Variants in CCP110 observed in about 807,000 individuals in gnomAD.
CCP110 encodes centriolar coiled-coil protein of 110 kDa.
A neutral mutation model predicts 105.5 loss-of-function variants in CCP110; 43 were observed. The observed-to-expected ratio is 0.41, with a 90% CI of 0.32 to 0.53. The LOEUF (loss-of-function observed/expected upper bound fraction) is 0.53, where lower values mean the gene tolerates loss of function less well. Among genes scored for constraint, CCP110 ranks in the 20% least tolerant of loss-of-function variants. The probability of loss-of-function intolerance (pLI) is 0.32; values close to 1 mark genes in which losing one functional copy is unlikely to be tolerated. For missense variants in CCP110, 1,016 were observed against 1,189.1 expected, an observed-to-expected ratio of 0.85 and a Z score of 2.14; for synonymous variants, 353 against 392.1, an observed-to-expected ratio of 0.90 and a Z score of 1.18.
chr16:19,548,697 C>T lies in CCP110; in HGVS notation c.2986+97C>T. On this transcript the variant is annotated intron_variant, in intron 14 of 14. Coordinates refer to ENST00000381396, the Ensembl canonical transcript of CCP110. This position sits in a 1 kb window ranked among gnomAD's most constrained non-coding sequence, Gnocchi z 4.1. ...ATAGAAGTGGAATAGATTGTCTTTC[C>T]TTGCCACCATAATTTTGGCATATTC... 1.4e-6 allele frequency: 1 copy of T among 732,876 alleles called. No individual in the cohort carries two copies. Among genetic ancestry groups the T allele is most frequent in the South Asian group, 1.8e-5 (1 of 54,648 alleles). The allele number at this position is 732,876 out of a possible 1,614,324, so 45.4% of individuals were successfully genotyped here.
intron 11 of CCP110, chr16:19,546,157 AGTGCCTAAATATATTCCTTTTCTGAT>A: frequency 1.9e-6 from 1 of 524,894 alleles, no homozygotes; most frequent in Non-Finnish European, 3.3e-6. Context: ...CTTTATATTC[AGTGCCTAAATATATTCCTTTTCTGAT>A]GTCCTAAAGG....
At chr16:19,546,560 T>A in intron 12 of CCP110, 86 bp downstream of exon 12, 1 of 747,178 alleles carries the variant, frequency 1.3e-6, no homozygotes, top group Non-Finnish European at 2.3e-6. Context: ...CTCACGCCTG[T>A]AATCCCAGAA....
intron 6 of CCP110, 147 bp downstream of exon 6, chr16:19,542,211 A>G (rs1970312843): frequency 1.7e-6 from 1 of 577,892 alleles, no homozygotes; most frequent in Non-Finnish European, 3.0e-6. Flanking sequence ...GTGAAAAATG[A>G]CATGATAGGA....
rs749777679 is a variant in CCP110 at position 19,537,356 on chromosome 16, C to T, written c.1687C>T (p.Gln563Ter). ...GATGCAAAACCAGAATACGAGACAG[C>T]AGATGGACACACCTATGGTGTCCTG... Residue 563 changes from glutamine (Q) to a stop codon, truncating the protein, a stop_gained, in exon 4 of 15, where the codon CAG becomes TAG. Transcript: ENST00000381396. LOFTEE classifies it high-confidence loss of function. 1 of 1,612,630 alleles carries T rather than the reference C, an allele frequency of 6.2e-7. No homozygotes were observed.
chr16:19,537,976 C>A (rs1970135785), intron 4 of CCP110, among the ~76,000 whole-genome samples: 1 of 152,196 alleles, frequency 6.6e-6, no homozygotes, highest in Non-Finnish European at 1.5e-5. Flanking sequence ...GTTGCCCAAG[C>A]TGGTCTCAAA....
At chr16:19,528,082 G>A in intron 2 of CCP110, 60 bp downstream of exon 2, 10 of 1,389,544 alleles carry the variant, frequency 7.2e-6, no homozygotes, top group East Asian at 7.2e-5. Context: ...AACAGTTCGT[G>A]GAAAAACAAA....
chr16:19,549,591 T>A (rs1970569729), intron 14 of CCP110, among the ~76,000 whole-genome samples: 1 of 152,192 alleles, frequency 6.6e-6, no homozygotes, highest in Non-Finnish European at 1.5e-5. Context: ...AATGGAATTG[T>A]CTTAAAGGAT....
chr16:19,548,258 A>C lies in CCP110; in HGVS notation c.2900+244A>C. ...TTTACTTTTCATTTCATACCATTTT[A>C]CTCATAAAGTATTTTAAATATCCAT... On this transcript the variant is annotated intron_variant, in intron 13 of 14. Coordinates refer to ENST00000381396, the Ensembl canonical transcript of CCP110. The surrounding 1 kb of genome is among the most constrained non-coding windows in gnomAD (Gnocchi z 4.1). 2 of 577,382 alleles carry C rather than the reference A, an allele frequency of 3.5e-6. No homozygotes were observed. The highest frequency in any genetic ancestry group is 6.1e-6 in the Non-Finnish European group (2 of 328,110). The allele number at this position is 577,382 out of a possible 1,614,324, so 35.8% of individuals were successfully genotyped here.
At chr16:19,547,773 C>A in intron 12 of CCP110, 182 bp from the exon 13 acceptor site, 1 of 548,160 alleles carries the variant, frequency 1.8e-6, no homozygotes, top group Non-Finnish European at 3.3e-6. Context: ...TCTTAGTGAG[C>A]AAAATACAAG....
chr16:19,539,428 G>T (rs910142912), intron 4 of CCP110, among the ~76,000 whole-genome samples: 1 of 150,828 alleles, frequency 6.6e-6, no homozygotes, highest in Non-Finnish European at 1.5e-5. Context: ...GCTGTGGTGC[G>T]ATCTCAGTTC....
intron 8 of CCP110, 145 bp downstream of exon 8, chr16:19,543,139 G>T: frequency 1.7e-6 from 1 of 578,766 alleles, no homozygotes; most frequent in Non-Finnish European, 3.1e-6. Flanking sequence ...ATTGTTTGTT[G>T]CGGGAAGTCA....
intron 5 of CCP110, among the ~76,000 whole-genome samples, chr16:19,541,675 AG>A (rs1970288793): frequency 7.0e-6 from 1 of 143,600 alleles, no homozygotes; most frequent in Non-Finnish European, 1.5e-5. Flanking sequence ...AGAGAGAGAG[AG>A]AGAGAGAAAG....
At chr16:19,550,817 C>T (rs1257987944) in intron 14 of CCP110, among the ~76,000 whole-genome samples, 5 of 152,176 alleles carry the variant, frequency 3.3e-5, no homozygotes, top group East Asian at 1.9e-4. Context: ...CTTTGACTTA[C>T]GGTTTTAAAA....
chr16:19,534,861 T>C (rs1165399315), intron 3 of CCP110, among the ~76,000 whole-genome samples: 1 of 150,240 alleles, frequency 6.7e-6, no homozygotes, highest in East Asian at 1.9e-4. Flanking sequence ...AAAAATATTG[T>C]AATATTCAGA....
Position 19,545,824 on chromosome 16 carries a change from TGAAAAGTCCAC to T in CCP110, c.2714_2724del (p.Lys905SerfsTer12). ...TACTTTTGTATATTAAAGGATAAAA[TGAAAAGTCCAC>T]GAGTGGCTCTTTCAGCTGCAACACA... On this transcript the variant is annotated frameshift_variant, in exon 11 of 15. Transcript: ENST00000381396. LOFTEE classifies it high-confidence loss of function. The T allele has an allele frequency of 6.3e-7, 1 of 1,596,224 alleles. No homozygotes were observed. Among genetic ancestry groups the T allele is most frequent in the Non-Finnish European group, 8.6e-7 (1 of 1,165,220 alleles).
chr16:19,545,704 T>G, intron 10 of CCP110, 113 bp from the exon 11 acceptor site: 1 of 656,026 alleles, frequency 1.5e-6, no homozygotes, highest in South Asian at 1.8e-5. Flanking sequence ...TTAACTAAAT[T>G]AAAAATGTTA....
In CCP110 at chr16:19,548,440, G is replaced by A; in HGVS notation, c.2901-75G>A. On this transcript the variant is annotated intron_variant, in intron 13 of 14. Coordinates refer to ENST00000381396, the Ensembl canonical transcript of CCP110. The surrounding 1 kb of genome is among the most constrained non-coding windows in gnomAD (Gnocchi z 4.1). ...TTGTGCTTTGGACAGTTGATGCAATGTGATTGCTTTCTTTGAATTTTGAAC... is the reference window on the plus strand; with the variant it reads ...TTGTGCTTTGGACAGTTGATGCAATATGATTGCTTTCTTTGAATTTTGAAC... 2.1e-6 allele frequency: 2 copies of A among 937,844 alleles called. No homozygotes were observed. The highest frequency in any genetic ancestry group is 1.6e-5 in the South Asian group (1 of 62,910). 58.1% of individuals were successfully genotyped at this position (937,844 alleles called of 1,614,324 possible). A position where few individuals can be genotyped will look rare whatever the true frequency, so the allele number is the denominator to read the frequency against.
chr16:19,545,935 T>G (rs746768189), intron 11 of CCP110, 45 bp downstream of exon 11: 2 of 1,117,768 alleles, frequency 1.8e-6, no homozygotes, highest in Non-Finnish European at 2.7e-6. Context: ...AACCAATTAA[T>G]TTTAGTCATC....
chr16:19,527,835 T>A (rs373482745), intron 1 of CCP110, 32 bp from the exon 2 acceptor site: 25 of 1,570,328 alleles, frequency 1.6e-5, no homozygotes, highest in Non-Finnish European at 2.1e-5. Context: ...TTTTTCCCAG[T>A]ACATTAAAAA....
Sources: gnomAD v4.1 joint callset for allele counts (sites outside exome capture counted in the v4.1 genomes callset) on GRCh38, gnomAD v4.1.1 for gene constraint, Gnocchi (gnomAD v3.1) non-coding constraint, MANE v1.5 for transcripts, NCBI Gene and HGNC (gene_info 2026-07-23, HGNC 2026-07-21) for gene names.